Variants in SRGAP2 observed in about 807,000 individuals in gnomAD.
SRGAP2 encodes SLIT-ROBO Rho GTPase-activating protein 2.
Under a neutral mutation model 57.2 loss-of-function variants are expected in SRGAP2, and 15 were observed. The observed-to-expected ratio is 0.26, with a 90% CI of 0.18 to 0.40. The LOEUF (loss-of-function observed/expected upper bound fraction) is 0.40, where lower values mean the gene tolerates loss of function less well. SRGAP2 is among the 10% of genes least tolerant of loss of function. SRGAP2 has a pLI of 1.00. For missense variants in SRGAP2, 520 were observed against 669.6 expected, an observed-to-expected ratio of 0.78 and a Z score of 2.47; for synonymous variants, 249 against 248.0, an observed-to-expected ratio of 1.00 and a Z score of -0.04.
At chr1:206,421,872 TAGAG>T (rs1553364523) in intron 13 of SRGAP2, among the ~76,000 whole-genome samples, 2 of 152,238 alleles carry the variant, frequency 1.3e-5, no homozygotes, top group East Asian at 3.8e-4. Context: ...GGAGGGCTCT[TAGAG>T]AGCAGTGGCA....
intron 12 of SRGAP2, among the ~76,000 whole-genome samples, chr1:206,420,663 G>A (rs1032382652): frequency 3.3e-5 from 5 of 152,166 alleles, no homozygotes; most frequent in Non-Finnish European, 7.3e-5. Context: ...TGGCCTCCTT[G>A]GTTTGGGTGT....
intron 13 of SRGAP2, among the ~76,000 whole-genome samples, chr1:206,422,693 G>T (rs554996060): frequency 1.3e-5 from 2 of 152,338 alleles, no homozygotes; most frequent in East Asian, 3.9e-4. Context: ...GAGTGCCAGA[G>T]ACATCAGTTT....
At chr1:206,398,189 G>A (rs1252041723) in intron 7 of SRGAP2, among the ~76,000 whole-genome samples, 1 of 151,984 alleles carries the variant, frequency 6.6e-6, no homozygotes, top group African/African-American at 2.4e-5. Context: ...TGTCCCCACT[G>A]TGAGCAAAAT....
At chr1:206,276,581 G>A (rs1477634962) in intron 2 of SRGAP2, among the ~76,000 whole-genome samples, 2 of 151,274 alleles carry the variant, frequency 1.3e-5, no homozygotes, top group Non-Finnish European at 2.9e-5. Flanking sequence ...TGTTGCTTTG[G>A]GCATATGGAT....
chr1:206,453,669 T>G, intron 20 of SRGAP2: 3 of 275,750 alleles, frequency 1.1e-5, no homozygotes, highest in East Asian at 6.8e-5. Context: ...TCCATATTTA[T>G]ACCTGATGAG....
intron 4 of SRGAP2, among the ~76,000 whole-genome samples, chr1:206,367,291 C>T (rs1654100491): frequency 6.6e-6 from 1 of 152,166 alleles, no homozygotes; most frequent in Non-Finnish European, 1.5e-5. Context: ...CTTTCTTCCC[C>T]CTATCTTCGC....
chr1:206,263,806 A>T (rs368791791), intron 2 of SRGAP2, among the ~76,000 whole-genome samples: 1 of 152,172 alleles, frequency 6.6e-6, no homozygotes, highest in African/African-American at 2.4e-5. Context: ...AAATATTGAG[A>T]TAAGTGCTAT....
rs782793487 is a variant in SRGAP2, at chr1:206,421,210, G to A, written c.1470-40G>A. 14 of 765,314 alleles carry A rather than the reference G, an allele frequency of 1.8e-5. No individual in the cohort carries two copies. In the Admixed American group the frequency reaches 2.1e-4, roughly 12 times the overall value. 47.4% of individuals were successfully genotyped at this position (765,314 alleles called of 1,614,324 possible). A position where few individuals can be genotyped will look rare whatever the true frequency, so the allele number is the denominator to read the frequency against. On this transcript the variant is annotated intron_variant, in intron 12 of 22. Transcript: ENST00000573034. ...CAATTTTCTCTTTTTCTCCCTTGTT[G>A]CTGGATTGGTCCAATCTGATTCGGC... is the stretch of plus-strand genomic sequence containing the variant.
intron 4 of SRGAP2, among the ~76,000 whole-genome samples, chr1:206,373,216 C>G (rs1452819400): frequency 1.4e-5 from 2 of 144,012 alleles, no homozygotes; most frequent in Non-Finnish European, 3.0e-5. Flanking sequence ...CCGCCTCAGC[C>G]TCCCAGATAG....
intron 4 of SRGAP2, among the ~76,000 whole-genome samples, chr1:206,347,254 TA>T (rs532132310): frequency 8.6e-4 from 120 of 139,788 alleles, no homozygotes; most frequent in Middle Eastern, 3.7e-3. Context: ...CCTGTCTGTT[TA>T]AAAAAAAAAA....
In SRGAP2 at chr1:206,429,723, T is replaced by C. The variant is rs181696547; in HGVS notation, c.1495-439T>C. On this transcript the variant is annotated intron_variant, in intron 13 of 22. Transcript: ENST00000573034. Reference sequence around the variant, plus strand: ...GAGTTTAAATAATGAAATGTGCCCTTTTAAGATTACCTAATTACTATGTGA... The same window carrying C: ...GAGTTTAAATAATGAAATGTGCCCTCTTAAGATTACCTAATTACTATGTGA... 6.6e-5 allele frequency among the ~76,000 whole-genome samples: 10 copies of C among 152,280 alleles called. No individual in the cohort carries two copies. In the East Asian group the frequency reaches 1.9e-3, roughly 29 times the overall value.
chr1:206,450,604 A>AT lies in SRGAP2; in HGVS notation c.2179+141dup, dbSNP rs1663183723. 242 of 612,952 alleles carry AT rather than the reference A, an allele frequency of 3.9e-4. 1 individual carries two copies. Among genetic ancestry groups the AT allele is most frequent in the African/African-American group, 3.7e-3 (198 of 54,242 alleles). 38.0% of individuals were successfully genotyped at this position (612,952 alleles called of 1,614,324 possible). On this transcript the variant is annotated intron_variant, in intron 19 of 22. Coordinates refer to ENST00000573034, the MANE Select transcript of SRGAP2 (RefSeq NM_015326.5). The stretch of plus-strand genomic sequence containing the variant: ...GCAGAGAGCTCCCTGTCTCAATTTC[A>AT]TTCCCTTCCTTCCTTGGAGAGGTAG...
chr1:206,434,619 A>G (rs782032630), intron 14 of SRGAP2, among the ~76,000 whole-genome samples: 1 of 152,198 alleles, frequency 6.6e-6, no homozygotes. Flanking sequence ...CCACTTATTA[A>G]TGTTTCTGCT....
intron 1 of SRGAP2, chr1:206,204,915 C>CCG (rs1553300729): frequency 2.2e-5 from 3 of 138,354 alleles, no homozygotes; most frequent in African/African-American, 9.4e-5. Flanking sequence ...TTGCCCCCCC[C>CCG]CCCATCAACA....
intron 7 of SRGAP2, among the ~76,000 whole-genome samples, chr1:206,400,204 C>T (rs1281811771): frequency 1.3e-5 from 2 of 151,830 alleles, no homozygotes; most frequent in African/African-American, 2.4e-5. Flanking sequence ...GAGGTTTCTT[C>T]TCAGGACCCG....
chr1:206,412,743 CCTT>C (rs1553360061), intron 10 of SRGAP2, among the ~76,000 whole-genome samples: 2 of 152,208 alleles, frequency 1.3e-5, no homozygotes, highest in African/African-American at 2.4e-5. Context: ...GCAACAGAAA[CCTT>C]CTAACTCACT....
At chr1:206,419,308 G>T (rs1294068099) in intron 11 of SRGAP2, 65 bp from the exon 12 acceptor site, 2 of 777,398 alleles carry the variant, frequency 2.6e-6, no homozygotes, top group Non-Finnish European at 4.8e-6. Context: ...GTTACTAGGA[G>T]TGGGTCTCCC....
chr1:206,244,380 C>T (rs1321985599), intron 2 of SRGAP2, among the ~76,000 whole-genome samples: 1 of 90,582 alleles, frequency 1.1e-5, no homozygotes, highest in African/African-American at 4.7e-5. Flanking sequence ...TCTCCTGCCT[C>T]AGCCTCCCGA....
At chr1:206,262,500 G>A (rs1669621581) in intron 2 of SRGAP2, among the ~76,000 whole-genome samples, 1 of 151,354 alleles carries the variant, frequency 6.6e-6, no homozygotes, top group South Asian at 2.1e-4. Flanking sequence ...TGCCTTTAGG[G>A]TTGGGAAGCA....
Sources: allele counts gnomAD v4.1 joint callset (sites outside exome capture counted in the v4.1 genomes callset), GRCh38; gene constraint gnomAD v4.1.1; transcripts MANE v1.5; gene names NCBI Gene and HGNC (gene_info 2026-07-23, HGNC 2026-07-21).